Variants in LRRC37A2 observed in about 807,000 individuals in gnomAD.
LRRC37A2 encodes the protein leucine-rich repeat-containing protein 37A2.
In LRRC37A2, 9 loss-of-function variants were observed where a neutral mutation model predicts 68.8. The ratio of observed to expected loss-of-function variants is 0.13; its 90% CI spans 0.08 to 0.23. The LOEUF is 0.23. LRRC37A2 is among the 10% of genes least tolerant of loss of function. The pLI is 1.00. For missense variants in LRRC37A2, 168 were observed against 950.4 expected (o/e 0.18, Z 10.82); for synonymous variants, 63 against 367.6 (o/e 0.17, Z 9.48).
the LRRC37A2 span, among the ~76,000 whole-genome samples, chr17:47,025,224 T>G: frequency 3.9e-5 from 6 of 152,156 alleles, no homozygotes; most frequent in African/African-American, 1.4e-4. Flanking sequence ...CTGTCTGACC[T>G]TCACAAAAAA....
At chr17:46,708,983 C>T in the LRRC37A2 span, among the ~76,000 whole-genome samples, 1 of 151,648 alleles carries the variant, frequency 6.6e-6, no homozygotes, top group Non-Finnish European at 1.5e-5. Flanking sequence ...CGCCACCATG[C>T]CCGACTAATT....
At chr17:46,875,155 C>A in the LRRC37A2 span, 77 of 1,613,938 alleles carry the variant, frequency 4.8e-5, no homozygotes, top group Admixed American at 1.2e-4. Context: ...CTCACCCACA[C>A]CCTGGCCCGG....
the LRRC37A2 span, among the ~76,000 whole-genome samples, chr17:46,377,575 T>TTA: frequency 1.1e-4 from 5 of 44,894 alleles, no homozygotes; most frequent in African/African-American, 2.2e-4. Flanking sequence ...CTGGATCTTT[T>TTA]TTTTTTTTTT....
chr17:46,601,878 TAAA>T, the LRRC37A2 span, among the ~76,000 whole-genome samples: 1 of 140,710 alleles, frequency 7.1e-6, no homozygotes, highest in Non-Finnish European at 1.5e-5. Flanking sequence ...CCCACTCCTT[TAAA>T]AAAAAAAAAA....
the LRRC37A2 span, among the ~76,000 whole-genome samples, chr17:46,850,110 A>C: frequency 6.6e-6 from 1 of 152,192 alleles, no homozygotes; most frequent in Non-Finnish European, 1.5e-5. Flanking sequence ...TCGGCCTCCC[A>C]AAGTGCTGGG....
At chr17:47,004,046 GA>G in the LRRC37A2 span, among the ~76,000 whole-genome samples, 18 of 152,298 alleles carry the variant, frequency 1.2e-4, no homozygotes, top group South Asian at 3.7e-3. Flanking sequence ...CAAAGGACAT[GA>G]ACTTATCCTT....
the LRRC37A2 span, among the ~76,000 whole-genome samples, chr17:46,917,755 A>G: frequency 0.96 from 145,439 of 152,290 alleles, 69,813 homozygotes; most frequent in East Asian, 1. Flanking sequence ...TTAAATAAAT[A>G]GCATTAGGAA....
At chr17:46,951,506 G>T in the LRRC37A2 span, among the ~76,000 whole-genome samples, 1 of 152,190 alleles carries the variant, frequency 6.6e-6, no homozygotes, top group South Asian at 2.1e-4. Context: ...CTCCTGGGAG[G>T]TGCCTTTTAA....
chr17:46,812,519 G>A, the LRRC37A2 span, among the ~76,000 whole-genome samples: 2 of 152,156 alleles, frequency 1.3e-5, no homozygotes, highest in Admixed American at 1.3e-4. Flanking sequence ...CCCCTTCTGT[G>A]CCCAGCCCCC....
the LRRC37A2 span, chr17:46,818,494 G>A: frequency 1.9e-6 from 3 of 1,591,274 alleles, no homozygotes. Context: ...ACCGGGCCGC[G>A]GGCAGACAAG....
chr17:47,048,083 T>G, the LRRC37A2 span, among the ~76,000 whole-genome samples: 3 of 147,166 alleles, frequency 2.0e-5, no homozygotes, highest in African/African-American at 5.0e-5. Flanking sequence ...TATTATTCCC[T>G]TCTCCCCAAG....
the LRRC37A2 span, among the ~76,000 whole-genome samples, chr17:46,784,546 C>T: frequency 6.6e-6 from 1 of 151,990 alleles, no homozygotes; most frequent in Non-Finnish European, 1.5e-5. Context: ...GGCTGGGGGC[C>T]AAGGGGCAGC....
At chr17:46,844,770 T>A in the LRRC37A2 span, among the ~76,000 whole-genome samples, 1 of 152,132 alleles carries the variant, frequency 6.6e-6, no homozygotes, top group South Asian at 2.1e-4. Context: ...TTTTTAAACT[T>A]CTAGTCCCTA....
At chr17:46,455,653 T>G in the LRRC37A2 span, among the ~76,000 whole-genome samples, 1 of 131,688 alleles carries the variant, frequency 7.6e-6, no homozygotes, top group Non-Finnish European at 1.7e-5. Context: ...GACAAACCAT[T>G]TTCCATGGCG....
At chr17:46,786,639 A>G in the LRRC37A2 span, among the ~76,000 whole-genome samples, 1 of 152,224 alleles carries the variant, frequency 6.6e-6, no homozygotes, top group Non-Finnish European at 1.5e-5. Context: ...TAAAGCCCAG[A>G]TGCCCTGTGC....
chr17:46,785,804 T>C, the LRRC37A2 span, among the ~76,000 whole-genome samples: 1 of 148,606 alleles, frequency 6.7e-6, no homozygotes, highest in Admixed American at 6.7e-5. Flanking sequence ...CTGTGCTCCA[T>C]CCCAGGGAGC....
the LRRC37A2 span, among the ~76,000 whole-genome samples, chr17:46,986,660 C>T: frequency 6.6e-6 from 1 of 152,226 alleles, no homozygotes; most frequent in Non-Finnish European, 1.5e-5. Flanking sequence ...CCCTATTTAG[C>T]TTAGACACTG....
chr17:46,812,708 C>G, the LRRC37A2 span, among the ~76,000 whole-genome samples: 1 of 152,100 alleles, frequency 6.6e-6, no homozygotes, highest in Non-Finnish European at 1.5e-5. Context: ...GTGGGGCAAA[C>G]AGGCAAAAAG....
chr17:46,728,160 TG>T, the LRRC37A2 span, among the ~76,000 whole-genome samples: 1 of 152,184 alleles, frequency 6.6e-6, no homozygotes, highest in African/African-American at 2.4e-5. Flanking sequence ...GCATTTACGC[TG>T]AATCTTGAAT....
Sources: gnomAD v4.1 joint callset for allele counts (sites outside exome capture counted in the v4.1 genomes callset) on GRCh38, gnomAD v4.1.1 for gene constraint, MANE v1.5 for transcripts, NCBI Gene and HGNC (gene_info 2026-07-23, HGNC 2026-07-21) for gene names.